MEF2C: variants seen among roughly 807,000 people sequenced by gnomAD.
The protein encoded by MEF2C is myocyte enhancer factor 2C, also known as myocyte-specific enhancer factor 2C.
Under a neutral mutation model 50.5 loss-of-function variants are expected in MEF2C, and 6 were observed. The observed-to-expected ratio is 0.12, with a 90% CI of 0.07 to 0.23. The LOEUF (loss-of-function observed/expected upper bound fraction) is 0.23. Among genes scored for constraint, MEF2C ranks in the 10% least tolerant of loss-of-function variants. The probability of loss-of-function intolerance (pLI) is 1.00; values close to 1 mark genes in which losing one functional copy is unlikely to be tolerated. For synonymous variants in MEF2C, 183 were observed against 228.0 expected (o/e 0.80, Z 1.78); for missense variants, 276 against 605.0 (o/e 0.46, Z 5.70).
At chr5:88,732,278 C>CT (rs2152287198) in intron 6 of MEF2C, among the ~76,000 whole-genome samples, 1 of 152,158 alleles carries the variant, frequency 6.6e-6, no homozygotes, top group African/African-American at 2.4e-5. Context: ...GTGACTCACT[C>CT]TTTCAGTTCA....
At chr5:88,765,548 A>G (rs1386750407) in intron 3 of MEF2C, among the ~76,000 whole-genome samples, 1 of 152,232 alleles carries the variant, frequency 6.6e-6, no homozygotes, top group South Asian at 2.1e-4. Flanking sequence ...AATAGTCGAT[A>G]TGAACGAAAG....
rs550280097 is a variant in MEF2C at position 88,721,260 on chromosome 5, T to C, written c.*1344A>G. The C allele has an allele frequency of 6.6e-6, 1 of 152,654 alleles. No individual in the cohort carries two copies. Among genetic ancestry groups the C allele is most frequent in the East Asian group, 1.9e-4 (1 of 5,188 alleles). The allele number at this position is 152,654 out of a possible 1,614,324, so 9.5% of individuals were successfully genotyped here. A position where few individuals can be genotyped will look rare whatever the true frequency, so the allele number is the denominator to read the frequency against. Reference sequence around the variant, plus strand: ...GATATGCACTTACTGAATTCCAAGATGCATGGTGAAATGGTGAGATCAGAA... The same window carrying C: ...GATATGCACTTACTGAATTCCAAGACGCATGGTGAAATGGTGAGATCAGAA... On this transcript the variant is annotated 3_prime_UTR_variant, in exon 11 of 11. Transcript: ENST00000504921.
chr5:88,867,033 G>A (rs544298085), intron 1 of MEF2C, among the ~76,000 whole-genome samples: 8 of 152,252 alleles, frequency 5.3e-5, no homozygotes, highest in East Asian at 1.9e-4. Flanking sequence ...TTCAATTAAC[G>A]CTAATATCGT....
At chr5:88,892,921 G>A (rs543310740) in intron 1 of MEF2C, among the ~76,000 whole-genome samples, 1 of 152,326 alleles carries the variant, frequency 6.6e-6, no homozygotes, top group East Asian at 1.9e-4. Flanking sequence ...AAAGCCTGCT[G>A]GGAAGGGGTA....
chr5:88,835,596 G>A (rs1814766186), intron 1 of MEF2C, among the ~76,000 whole-genome samples: 1 of 152,078 alleles, frequency 6.6e-6, no homozygotes, highest in African/African-American at 2.4e-5. Flanking sequence ...TGGATCACCT[G>A]AGTTCAGGAG....
chr5:88,829,480 C>A (rs536149049), intron 1 of MEF2C, among the ~76,000 whole-genome samples: 3 of 152,092 alleles, frequency 2.0e-5, no homozygotes, highest in Admixed American at 2.0e-4. Context: ...ACAATATATA[C>A]CCTAGTGTCA....
chr5:88,774,694 A>G (rs190908571), intron 3 of MEF2C, among the ~76,000 whole-genome samples: 2 of 152,218 alleles, frequency 1.3e-5, no homozygotes, highest in East Asian at 3.9e-4. Context: ...CACTCACCTA[A>G]TATGTGAATT....
chr5:88,735,993 A>C, intron 6 of MEF2C: 1 of 985,118 alleles, frequency 1.0e-6, no homozygotes, highest in Non-Finnish European at 1.2e-6. Flanking sequence ...GCATAAACAG[A>C]ATTAGTCACT....
At chr5:88,895,690 C>T (rs1033455628) in intron 1 of MEF2C, among the ~76,000 whole-genome samples, 1 of 152,136 alleles carries the variant, frequency 6.6e-6, no homozygotes, top group African/African-American at 2.4e-5. Flanking sequence ...CTTTGGCATG[C>T]TCCACTCACC....
chr5:88,728,729 A>T (rs1760021162), intron 9 of MEF2C, 101 bp from the exon 10 acceptor site: 1 of 810,212 alleles, frequency 1.2e-6, no homozygotes, highest in South Asian at 5.3e-5. Flanking sequence ...TTCTATTAGG[A>T]TTATCGTTAT....
chr5:88,858,414 T>C (rs921879944), intron 1 of MEF2C, among the ~76,000 whole-genome samples: 1 of 152,246 alleles, frequency 6.6e-6, no homozygotes, highest in African/African-American at 2.4e-5. Flanking sequence ...CATTTGCTCA[T>C]TAATTTAGCA....
chr5:88,818,885 A>C lies in MEF2C; in HGVS notation c.54+4850T>G, dbSNP rs111284554. 5.5e-3 allele frequency among the ~76,000 whole-genome samples: 841 copies of C among 152,176 alleles called. 8 individuals are homozygous for C. The highest frequency in any genetic ancestry group is 0.02 in the African/African-American group (819 of 41,556). On this transcript the variant is annotated intron_variant, in intron 2 of 10. Transcript: ENST00000504921. ...GAGTTGTTTTGATAGAAATCACATT[A>C]ACTATAATAGCTAATGGTTCAAAGA...
At chr5:88,819,243 T>C (rs752698238) in intron 2 of MEF2C, 9 of 571,154 alleles carry the variant, frequency 1.6e-5, no homozygotes, top group Non-Finnish European at 1.8e-5. Flanking sequence ...TTAGTTATTA[T>C]ATTACACTAG....
chr5:88,852,970 T>A (rs1821939167), intron 1 of MEF2C, among the ~76,000 whole-genome samples: 1 of 151,396 alleles, frequency 6.6e-6, no homozygotes, highest in Admixed American at 6.6e-5. Flanking sequence ...ATGTTGGTAA[T>A]CCCAGCTCTT....
At position 88,895,687 on chromosome 5, in the gene MEF2C, A is replaced by G. The variant is rs1835046326; in HGVS notation, c.-239-8089T>C. On this transcript the variant is annotated intron_variant, in intron 1 of 11. Coordinates refer to the MEF2C transcript ENST00000340208. ...CAGCAGGCCCTGCTTTCACTTTGGC[A>G]TGCTCCACTCACCCAGCAGCAATTT... Among the ~76,000 whole-genome samples the G allele has an allele frequency of 2.6e-5, 4 of 152,176 alleles. No homozygotes were observed. The South Asian group carries it at 6.2e-4, about 24-fold the overall frequency.
At chr5:88,731,587 A>G (rs1761662957) in intron 7 of MEF2C, 142 bp downstream of exon 7, 2 of 739,226 alleles carry the variant, frequency 2.7e-6, no homozygotes, top group Non-Finnish European at 4.5e-6. Flanking sequence ...ATAGCTAAAT[A>G]CAAGCAAGGC....
At chr5:88,836,435 C>G (rs1171295637) in intron 1 of MEF2C, among the ~76,000 whole-genome samples, 1 of 152,076 alleles carries the variant, frequency 6.6e-6, no homozygotes, top group African/African-American at 2.4e-5. Context: ...CTCCTCTCTA[C>G]TTGTAGCATT....
chr5:88,903,319 T>C (rs1043619219), intron 1 of MEF2C, among the ~76,000 whole-genome samples: 1 of 151,972 alleles, frequency 6.6e-6, no homozygotes, highest in African/African-American at 2.4e-5. Flanking sequence ...AATTATTAAA[T>C]AATATTTACT....
intron 2 of MEF2C, among the ~76,000 whole-genome samples, chr5:88,814,366 G>C (rs192702807): frequency 2.8e-4 from 43 of 151,974 alleles, no homozygotes; most frequent in African/African-American, 9.2e-4. Flanking sequence ...GACGGGGCCT[G>C]CCATCGTAAA....
Sources: gnomAD v4.1 joint callset for allele counts (sites outside exome capture counted in the v4.1 genomes callset) on GRCh38, gnomAD v4.1.1 for gene constraint, MANE v1.5 for transcripts, NCBI Gene and HGNC (gene_info 2026-07-23, HGNC 2026-07-21) for gene names.